PTCRA: variants seen among roughly 807,000 people sequenced by gnomAD.
PTCRA encodes pre T cell antigen receptor alpha, also known as pre T-cell antigen receptor alpha.
A neutral mutation model predicts 13.4 loss-of-function variants in PTCRA; 9 were observed. That is an observed-to-expected ratio of 0.67 (90% CI 0.41 to 1.18). The LOEUF is 1.18. Among genes scored for constraint, PTCRA ranks in the 50% most tolerant of loss-of-function variants. The pLI, the probability that PTCRA is intolerant of heterozygous loss-of-function variation, is 0.01. For synonymous variants in PTCRA, 153 were observed against 161.9 expected (o/e 0.94, Z 0.42); for missense variants, 353 against 359.8 (o/e 0.98, Z 0.15).
intron 1 of PTCRA, among the ~76,000 whole-genome samples, chr6:42,920,184 T>G (rs1050330576): frequency 8.6e-5 from 13 of 151,458 alleles, no homozygotes; most frequent in Non-Finnish European, 1.0e-4. Flanking sequence ...GCCAGGCGTG[T>G]TGGCGGGCGC....
At position 42,918,255 on chromosome 6, in the gene PTCRA, C is replaced by CAA. The variant is rs74187597; in HGVS notation, c.58+2140_58+2141dup. Among the ~76,000 whole-genome samples, 7 of 123,936 alleles carry CAA rather than the reference C, an allele frequency of 5.6e-5. No individual in the cohort carries two copies. In the East Asian group the frequency reaches 1.4e-3, roughly 26 times the overall value. The allele number at this position is 123,936 out of a possible 152,430, so 81.3% of individuals were successfully genotyped here. ...TAGGCGACAGAACCAGAATCAGTCT[C>CAA]AAAAAAAAAAAAAGCCAGGCATGGG... On this transcript the variant is annotated intron_variant, in intron 1 of 3. Coordinates refer to ENST00000304672, the MANE Select transcript of PTCRA (RefSeq NM_138296.3).
Position 42,924,284 on chromosome 6 carries a change from C to T in PTCRA, c.424+11C>T, listed in dbSNP as rs373379769. On this transcript the variant is annotated intron_variant, in intron 3 of 3. Coordinates refer to ENST00000304672, the MANE Select transcript of PTCRA (RefSeq NM_138296.3). ...AGGAGCCTCTCAGGGGTGAGTACTC[C>T]GGGCAAGGGGTGGGGAATAAGAGGC... 2.6e-5 allele frequency: 42 copies of T among 1,611,388 alleles called. No homozygotes were observed. Among genetic ancestry groups the T allele is most frequent in the African/African-American group, 1.1e-4 (8 of 74,740 alleles).
intron 1 of PTCRA, among the ~76,000 whole-genome samples, chr6:42,918,997 G>A (rs1224247617): frequency 6.7e-6 from 1 of 149,828 alleles, no homozygotes; most frequent in African/African-American, 2.5e-5. Context: ...CACCATGTTA[G>A]CCAGGATGGT....
intron 1 of PTCRA, among the ~76,000 whole-genome samples, chr6:42,918,939 G>A (rs1323990454): frequency 6.6e-6 from 1 of 151,786 alleles, no homozygotes; most frequent in Non-Finnish European, 1.5e-5. Flanking sequence ...ACAGGTGCCT[G>A]CCACCATGCC....
chr6:42,923,368 CT>C, intron 2 of PTCRA, 21 bp downstream of exon 2: 1 of 1,606,578 alleles, frequency 6.2e-7, no homozygotes, highest in Non-Finnish European at 8.5e-7. Flanking sequence ...AGCCTGGGCC[CT>C]TGCGGATGCT....
chr6:42,925,108 G>A lies in PTCRA; in HGVS notation c.425-153G>A, dbSNP rs1258066183. Reference sequence around the variant, plus strand: ...GCCAGGAAGGTATGTATTATTACCAGTAAGAACGGAGGCTAGACACCGGGA... The same window carrying A: ...GCCAGGAAGGTATGTATTATTACCAATAAGAACGGAGGCTAGACACCGGGA... On this transcript the variant is annotated intron_variant, in intron 3 of 3. Coordinates refer to ENST00000304672, the MANE Select transcript of PTCRA (RefSeq NM_138296.3). The surrounding 1 kb of genome is among the most constrained non-coding windows in gnomAD (Gnocchi z 4.4). 3.0e-6 allele frequency: 3 copies of A among 985,600 alleles called. No homozygotes were observed. The highest frequency in any genetic ancestry group is 4.4e-6 in the Non-Finnish European group (3 of 687,762). The allele number at this position is 985,600 out of a possible 1,614,324, so 61.1% of individuals were successfully genotyped here.
intron 1 of PTCRA, among the ~76,000 whole-genome samples, chr6:42,917,653 G>A (rs1009531528): frequency 2.7e-5 from 4 of 150,702 alleles, no homozygotes; most frequent in Middle Eastern, 3.4e-3. Context: ...AGGTTCAAGC[G>A]GTTCTCCTGC....
At chr6:42,921,672 T>C (rs1767172118) in intron 1 of PTCRA, among the ~76,000 whole-genome samples, 1 of 132,244 alleles carries the variant, frequency 7.6e-6, no homozygotes, top group African/African-American at 2.9e-5. Context: ...CACCTTGGCC[T>C]CCCGAAGTGC....
In PTCRA at chr6:42,925,356, G is replaced by A. The variant is rs1388213507; in HGVS notation, c.520G>A (p.Asp174Asn). Residue 174 changes from aspartate to asparagine, a missense_variant, in exon 4 of 4, where the codon GAC (aspartate) becomes AAC (asparagine). Coordinates refer to ENST00000304672, the MANE Select transcript of PTCRA (RefSeq NM_138296.3). This position sits in a 1 kb window ranked among gnomAD's most constrained non-coding sequence, Gnocchi z 4.4. ...DLLLTCSCLC[D>N]PAGPLPSPAT... ...GCTCCTGACCTGCAGCTGCCTGTGC[G>A]ACCCCGCGGGCCCGCTGCCTTCCCC... 9.6e-6 allele frequency: 15 copies of A among 1,561,170 alleles called. No individual in the cohort carries two copies. In the East Asian group the frequency reaches 1.9e-4, roughly 20 times the overall value.
rs564541465 is a variant in PTCRA, at chr6:42,917,228, A to AT, written c.58+1103dup. The stretch of plus-strand genomic sequence containing the variant: ...TATTATTATTATTATTATTATTATT[A>AT]TTATTTATTTTTGAGACAGAGTCTC... On this transcript the variant is annotated intron_variant, in intron 1 of 3. Coordinates refer to ENST00000304672, the MANE Select transcript of PTCRA (RefSeq NM_138296.3). 6.5e-5 allele frequency among the ~76,000 whole-genome samples: 8 copies of AT among 122,860 alleles called. No homozygotes were observed. The East Asian group carries it at 1.4e-3, about 22-fold the overall frequency. 80.6% of individuals were successfully genotyped at this position (122,860 alleles called of 152,430 possible).
chr6:42,924,323 T>C (rs781603830), intron 3 of PTCRA, 50 bp downstream of exon 3: 2 of 1,554,664 alleles, frequency 1.3e-6, no homozygotes, highest in South Asian at 2.2e-5. Flanking sequence ...GACCAGGACC[T>C]TGGGCCCGGG....
intron 1 of PTCRA, among the ~76,000 whole-genome samples, chr6:42,918,788 A>ATTT (rs35893765): frequency 2.4e-5 from 3 of 123,218 alleles, no homozygotes; most frequent in African/African-American, 6.4e-5. Context: ...TAGTAGGATA[A>ATTT]TTTTTTTTTT....
At chr6:42,917,485 G>A (rs1052804771) in intron 1 of PTCRA, among the ~76,000 whole-genome samples, 4 of 146,798 alleles carry the variant, frequency 2.7e-5, no homozygotes, top group Non-Finnish European at 6.0e-5. Context: ...GCCTCCCAAA[G>A]TGCTGGGATT....
At chr6:42,921,948 C>G (rs571996289) in intron 1 of PTCRA, among the ~76,000 whole-genome samples, 3 of 151,734 alleles carry the variant, frequency 2.0e-5, no homozygotes, top group Non-Finnish European at 4.4e-5. Context: ...TGGCTTGAAC[C>G]CAGAAGGCAG....
Position 42,923,461 on chromosome 6 carries a change from C to T in PTCRA, c.379+114C>T. On this transcript the variant is annotated intron_variant, in intron 2 of 3. Transcript: ENST00000304672. ...CAAAGGCATGAAGGGTGTCCAAGCG[C>T]AGAGCCTCTGGGTGAGGTGACACCT... is the stretch of plus-strand genomic sequence containing the variant. 4.8e-6 allele frequency: 5 copies of T among 1,040,420 alleles called. No individual in the cohort carries two copies. The South Asian group carries it at 6.1e-5, about 13-fold the overall frequency. The allele number at this position is 1,040,420 out of a possible 1,614,324, so 64.4% of individuals were successfully genotyped here.
rs750201200 is a variant in PTCRA at position 42,925,555 on chromosome 6, T to C, written c.719T>C (p.Leu240Pro). ...GSPVWGEGSY[L>P]SSYPTCPAQA... ...CCAGTATGGGGGGAAGGGTCTTACC[T>C]CAGCAGTTACCCCACTTGCCCAGCA... The change falls in exon 4 of 4, where the codon CTC (leucine) becomes CCC (proline). Residue 240 changes from leucine (L) to proline (P), a missense_variant. Coordinates refer to ENST00000304672, the MANE Select transcript of PTCRA (RefSeq NM_138296.3). The surrounding 1 kb of genome is among the most constrained non-coding windows in gnomAD (Gnocchi z 4.4). The C allele has an allele frequency of 6.3e-7, 1 of 1,597,142 alleles. No homozygotes were observed. The highest frequency in any genetic ancestry group is 1.1e-5 in the South Asian group (1 of 88,198).
chr6:42,922,925 A>G, intron 1 of PTCRA, 102 bp from the exon 2 acceptor site: 1 of 1,086,252 alleles, frequency 9.2e-7, no homozygotes, highest in South Asian at 1.4e-5. Context: ...GGAAGGATGG[A>G]TGGATGGAAA....
Position 42,923,138 on chromosome 6 carries a change from T to G in PTCRA, c.170T>G (p.Leu57Arg), listed in dbSNP as rs1280746730. 6.2e-7 allele frequency: 1 copy of G among 1,614,228 alleles called. No individual in the cohort carries two copies. Among genetic ancestry groups the G allele is most frequent in the Non-Finnish European group, 8.5e-7 (1 of 1,180,034 alleles). Reference sequence around the variant, plus strand: ...GTCCTTGATGTTGCACCCCCTGGCCTTGACAGCCCCATCTGGTTCTCAGCC... The same window carrying G: ...GTCCTTGATGTTGCACCCCCTGGCCGTGACAGCCCCATCTGGTTCTCAGCC... ...CLVLDVAPPG[L>R]DSPIWFSAGN... Residue 57 changes from leucine to arginine, a missense_variant, in exon 2 of 4, where the codon CTT becomes CGT. Physicochemically the swap from Leu to Arg is moderately radical, Grantham distance 102. Coordinates refer to ENST00000304672, the MANE Select transcript of PTCRA (RefSeq NM_138296.3).
chr6:42,918,114 G>A (rs1251233080), intron 1 of PTCRA, among the ~76,000 whole-genome samples: 1 of 150,578 alleles, frequency 6.6e-6, no homozygotes, highest in East Asian at 2.0e-4. Context: ...AAAATTAGCT[G>A]GACATGGTGG....
Sources: gnomAD v4.1 joint callset for allele counts (sites outside exome capture counted in the v4.1 genomes callset) on GRCh38, gnomAD v4.1.1 for gene constraint, Gnocchi (gnomAD v3.1) non-coding constraint, MANE v1.5 for transcripts, NCBI Gene and HGNC (gene_info 2026-07-23, HGNC 2026-07-21) for gene names.